Variants in COL13A1 observed in about 807,000 individuals in gnomAD.
COL13A1 encodes the protein collagen alpha-1(XIII) chain.
Under a neutral mutation model 130.9 loss-of-function variants are expected in COL13A1, and 89 were observed. That is an observed-to-expected ratio of 0.68 (90% CI 0.57 to 0.81). The LOEUF is 0.81. Among genes scored for constraint, COL13A1 ranks in the 30% least tolerant of loss-of-function variants. The pLI is 0.00. For missense variants in COL13A1, 879 were observed against 934.6 expected (o/e 0.94, Z 0.78); for synonymous variants, 402 against 341.6 (o/e 1.18, Z -1.95).
chr10:69,839,816 G>A (rs1317723052), intron 2 of COL13A1, among the ~76,000 whole-genome samples: 1 of 152,206 alleles, frequency 6.6e-6, no homozygotes, highest in East Asian at 1.9e-4. Flanking sequence ...GCTCAGGGAG[G>A]GCGCGGGCCA....
At chr10:69,838,479 T>C (rs3858155) in intron 2 of COL13A1, among the ~76,000 whole-genome samples, 35,492 of 152,144 alleles carry the variant, frequency 0.23, 4,375 homozygotes, top group African/African-American at 0.31. Context: ...AGGAGATGTA[T>C]GTAAAGCACG....
At chr10:69,935,275 T>G in intron 31 of COL13A1, 75 bp from the exon 32 acceptor site, 2 of 1,307,696 alleles carry the variant, frequency 1.5e-6, no homozygotes, top group Non-Finnish European at 2.2e-6. Flanking sequence ...GGCCTTGCAG[T>G]CTCCAGCTGG....
chr10:69,922,660 T>G, intron 22 of COL13A1, 48 bp from the exon 23 acceptor site: 1 of 1,487,850 alleles, frequency 6.7e-7, no homozygotes, highest in Non-Finnish European at 9.2e-7. Flanking sequence ...GTGCTCAGCC[T>G]AGACCTTCCT....
Position 69,904,204 on chromosome 10 carries a change from T to C in COL13A1, c.859-729T>C, listed in dbSNP as rs529026551. On this transcript the variant is annotated intron_variant, in intron 15 of 40. Transcript: ENST00000645393. ...TCCAAATTCACTTTTTGCTGACCGCTGCCCTTTCTACCCCACCCCCCTCCT... is the reference window on the plus strand; with the variant it reads ...TCCAAATTCACTTTTTGCTGACCGCCGCCCTTTCTACCCCACCCCCCTCCT... 1.2e-4 allele frequency among the ~76,000 whole-genome samples: 18 copies of C among 152,264 alleles called. No individual in the cohort carries two copies. The South Asian group carries it at 3.7e-3, about 32-fold the overall frequency.
At chr10:69,804,791 C>T (rs1841025520) in intron 1 of COL13A1, among the ~76,000 whole-genome samples, 1 of 96,476 alleles carries the variant, frequency 1.0e-5, no homozygotes, top group Non-Finnish European at 1.9e-5. Flanking sequence ...AGAAAATGGG[C>T]AGTGACCATG....
chr10:69,890,349 AAAAC>A (rs888055368), intron 10 of COL13A1, among the ~76,000 whole-genome samples: 1 of 152,348 alleles, frequency 6.6e-6, no homozygotes, highest in East Asian at 1.9e-4. Flanking sequence ...CTGCTTTAAA[AAAAC>A]AAACAAACAG....
intron 2 of COL13A1, among the ~76,000 whole-genome samples, chr10:69,850,106 C>T (rs561644911): frequency 8.6e-5 from 13 of 151,998 alleles, no homozygotes; most frequent in African/African-American, 1.2e-4. Context: ...TGGAGGGAGG[C>T]GCTGATCACT....
In COL13A1 at chr10:69,888,309, C is replaced by T. The variant is rs374489567; in HGVS notation, c.555C>T (p.Pro185=). 2.1e-4 allele frequency: 335 copies of T among 1,612,948 alleles called. 2 individuals carry two copies. The African/African-American group carries it at 3.8e-3, about 18-fold the overall frequency. The change falls in exon 9 of 41, where the codon CCC becomes CCT. Residue 185 remains proline (P), a synonymous_variant. Coordinates refer to ENST00000645393, the MANE Select transcript of COL13A1 (RefSeq NM_001368882.1). ...TCTGGCCTTTCTGGTTTCAGGGTCC[C>T]ATTGGGCTGGACGGCAAACCGGTAA... ...GTRGFPGFPG[P]IGLDGKPGHP...
intron 17 of COL13A1, among the ~76,000 whole-genome samples, chr10:69,910,496 AC>A (rs2063250434): frequency 6.6e-6 from 1 of 151,614 alleles, no homozygotes; most frequent in Non-Finnish European, 1.5e-5. Flanking sequence ...GTCCACCACC[AC>A]CCCCAGCAGC....
At chr10:69,944,424 GT>G (rs2068133661) in intron 36 of COL13A1, among the ~76,000 whole-genome samples, 4 of 152,194 alleles carry the variant, frequency 2.6e-5, no homozygotes, top group Non-Finnish European at 5.9e-5. Flanking sequence ...GGGAGGCCAG[GT>G]TGGGAGGATC....
intron 17 of COL13A1, among the ~76,000 whole-genome samples, chr10:69,914,849 C>T (rs868565130): frequency 6.6e-6 from 1 of 152,206 alleles, no homozygotes; most frequent in Admixed American, 6.5e-5. Flanking sequence ...GGCCACAGAG[C>T]GGCTGTGCAC....
At chr10:69,902,060 A>T (rs910694266) in intron 14 of COL13A1, among the ~76,000 whole-genome samples, 5 of 152,202 alleles carry the variant, frequency 3.3e-5, no homozygotes. Flanking sequence ...AGAGGACAAA[A>T]GCAGCCAGAG....
intron 38 of COL13A1, among the ~76,000 whole-genome samples, chr10:69,949,681 G>A (rs1329409335): frequency 6.6e-6 from 1 of 152,176 alleles, no homozygotes; most frequent in Non-Finnish European, 1.5e-5. Context: ...TCCTGACCTT[G>A]TCACTAAGGG....
intron 7 of COL13A1, among the ~76,000 whole-genome samples, chr10:69,881,057 C>T (rs191496497): frequency 1.5e-4 from 23 of 152,340 alleles, no homozygotes; most frequent in Non-Finnish European, 2.9e-4. Context: ...CCCTCCACCC[C>T]GTGGCTGGGA....
intron 7 of COL13A1, among the ~76,000 whole-genome samples, chr10:69,881,023 C>T (rs1312254932): frequency 6.6e-6 from 1 of 152,234 alleles, no homozygotes; most frequent in Middle Eastern, 3.2e-3. Flanking sequence ...GTGTGCAGTG[C>T]TGGGTCCTGT....
chr10:69,953,106 CTG>C lies in COL13A1; in HGVS notation c.2145+139_2145+140del, dbSNP rs1399743125. On this transcript the variant is annotated intron_variant, in intron 39 of 40. Coordinates refer to ENST00000645393, the MANE Select transcript of COL13A1 (RefSeq NM_001368882.1). ...TACCAAAATCTCTCTGTTCATTTGA[CTG>C]GTGAAATTCTGCCCGCTGTTGGATT... 4 of 576,786 alleles carry C rather than the reference CTG, an allele frequency of 6.9e-6. No individual in the cohort carries two copies. The South Asian group carries it at 1.3e-4, about 19-fold the overall frequency. The allele number at this position is 576,786 out of a possible 1,614,324, so 35.7% of individuals were successfully genotyped here.
rs1405722296 is a variant in COL13A1 at position 69,959,011 on chromosome 10, A to C, written c.*310A>C. ...CCTGGTGCCAAAGGGGGCCAGCCAGAACTGAGGTGCTGGCTAGCTCATGTG... is the reference window on the plus strand; with the variant it reads ...CCTGGTGCCAAAGGGGGCCAGCCAGCACTGAGGTGCTGGCTAGCTCATGTG... On this transcript the variant is annotated 3_prime_UTR_variant, in exon 41 of 41. Coordinates refer to ENST00000645393, the MANE Select transcript of COL13A1 (RefSeq NM_001368882.1). The C allele has an allele frequency of 2.8e-6, 1 of 357,836 alleles. No individual in the cohort carries two copies. The highest frequency in any genetic ancestry group is 5.1e-6 in the Non-Finnish European group (1 of 197,126). 22.2% of individuals were successfully genotyped at this position (357,836 alleles called of 1,614,324 possible).
At chr10:69,820,267 G>A (rs1482247182) in intron 1 of COL13A1, among the ~76,000 whole-genome samples, 1 of 152,182 alleles carries the variant, frequency 6.6e-6, no homozygotes, top group Non-Finnish European at 1.5e-5. Context: ...GATGGAGCAG[G>A]GGCACCACCC....
rs529105472 is a variant in COL13A1 at position 69,926,890 on chromosome 10, A to G, written c.1399-197A>G. On this transcript the variant is annotated intron_variant, in intron 26 of 40. Coordinates refer to ENST00000645393, the MANE Select transcript of COL13A1 (RefSeq NM_001368882.1). ...AGGAGATGCTACGTATTCTCTCTCCAGTGATTACAAACCTCAGCGAGAGGT... is the reference window on the plus strand; with the variant it reads ...AGGAGATGCTACGTATTCTCTCTCCGGTGATTACAAACCTCAGCGAGAGGT... 3.9e-5 allele frequency among the ~76,000 whole-genome samples: 6 copies of G among 152,128 alleles called. No individual in the cohort carries two copies. The East Asian group carries it at 1.2e-3, about 29-fold the overall frequency.
Sources: gnomAD v4.1 joint callset for allele counts (sites outside exome capture counted in the v4.1 genomes callset) on GRCh38, gnomAD v4.1.1 for gene constraint, MANE v1.5 for transcripts, NCBI Gene and HGNC (gene_info 2026-07-23, HGNC 2026-07-21) for gene names.